PUS10: variants seen among roughly 807,000 people sequenced by gnomAD.
PUS10 encodes the protein pseudouridine synthase 10.
PUS10 carries 59 observed loss-of-function variants against 75.0 expected under a neutral mutation model. The observed-to-expected ratio is 0.79, with a 90% CI of 0.64 to 0.98. PUS10 has a LOEUF of 0.98. Ranked by LOEUF, PUS10 falls within the 50% of genes least tolerant of loss-of-function variation. The pLI, the probability that PUS10 is intolerant of heterozygous loss-of-function variation, is 0.00. For missense variants in PUS10, 650 were observed against 614.4 expected (o/e 1.06, Z -0.61); for synonymous variants, 219 against 211.6 (o/e 1.03, Z -0.30).
chr2:61,012,744 G>A (rs2104745456), intron 1 of PUS10, among the ~76,000 whole-genome samples: 1 of 141,384 alleles, frequency 7.1e-6, no homozygotes, highest in Middle Eastern at 3.8e-3. Flanking sequence ...TGAGGCAGGA[G>A]AATCACTTGA....
At chr2:61,005,539 C>T (rs890009962) in intron 4 of PUS10, among the ~76,000 whole-genome samples, 5 of 152,144 alleles carry the variant, frequency 3.3e-5, no homozygotes, top group African/African-American at 1.2e-4. Flanking sequence ...TCAAAACTTT[C>T]ACTAAAGTGA....
intron 4 of PUS10, among the ~76,000 whole-genome samples, chr2:60,998,554 T>C (rs1678633246): frequency 1.3e-5 from 2 of 152,030 alleles, no homozygotes; most frequent in Admixed American, 1.3e-4. Flanking sequence ...CCGGATGTGG[T>C]GGCATGCACC....
chr2:61,012,378 C>G (rs114617642), intron 1 of PUS10, among the ~76,000 whole-genome samples: 2,968 of 152,096 alleles, frequency 0.02, 34 homozygotes, highest in East Asian at 0.027. Context: ...CAGCAGCAGC[C>G]TCAGAAGCAA....
chr2:61,007,413 A>C (rs186774941), intron 3 of PUS10, among the ~76,000 whole-genome samples: 2 of 152,198 alleles, frequency 1.3e-5, no homozygotes, highest in Admixed American at 1.3e-4. Flanking sequence ...ATGAGCCAAT[A>C]TCATGCCACT....
chr2:60,961,340 A>G, intron 10 of PUS10, 123 bp downstream of exon 10: 1 of 777,328 alleles, frequency 1.3e-6, no homozygotes, highest in South Asian at 1.8e-5. Context: ...TCTACTTCTC[A>G]AGAGAGTAAA....
At chr2:60,978,150 T>G (rs1573450293) in intron 4 of PUS10, among the ~76,000 whole-genome samples, 1 of 151,720 alleles carries the variant, frequency 6.6e-6, no homozygotes, top group Non-Finnish European at 1.5e-5. Flanking sequence ...CAGGCCGGCT[T>G]GGGGCTCCCG....
In PUS10 at chr2:60,940,864, A is replaced by G. The variant is rs1007790860; in HGVS notation, c.*1531T>C. ...GCCTTTCAATGCATTGGCATTGACA[A>G]GAGTGAAAAAATTATTTGCTGTTAT... On this transcript the variant is annotated 3_prime_UTR_variant, in exon 18 of 18. Transcript: ENST00000316752. 6.6e-6 allele frequency: 1 copy of G among 152,342 alleles called. No individual in the cohort carries two copies. Among genetic ancestry groups the G allele is most frequent in the African/African-American group, 2.4e-5 (1 of 41,468 alleles). The allele number at this position is 152,342 out of a possible 1,614,324, so 9.4% of individuals were successfully genotyped here.
chr2:60,942,903 C>T (rs1291911405), intron 17 of PUS10, among the ~76,000 whole-genome samples: 3 of 151,958 alleles, frequency 2.0e-5, no homozygotes, highest in East Asian at 1.9e-4. Flanking sequence ...TGGTGGCACA[C>T]GCCTGTAGTC....
Position 61,010,959 on chromosome 2 carries a change from A to G in PUS10, c.126+806T>C, listed in dbSNP as rs1573525800. On this transcript the variant is annotated intron_variant, in intron 2 of 17. Coordinates refer to ENST00000316752, the MANE Select transcript of PUS10 (RefSeq NM_144709.4). ...TATGAGAATTATATAAGACCTTGAC[A>G]TATAGTAATGATAATTGAATATTGT... 4.0e-6 allele frequency: 6 copies of G among 1,493,550 alleles called. No individual in the cohort carries two copies. In the East Asian group the frequency reaches 1.5e-4, roughly 37 times the overall value. 92.5% of individuals were successfully genotyped at this position (1,493,550 alleles called of 1,614,324 possible).
rs1401793230 is a variant in PUS10, at chr2:60,940,343, G to A, written c.*2052C>T. 1.3e-5 allele frequency: 2 copies of A among 152,190 alleles called. No homozygotes were observed. The allele number at this position is 152,190 out of a possible 1,614,324, so 9.4% of individuals were successfully genotyped here. A position where few individuals can be genotyped will look rare whatever the true frequency, so the allele number is the denominator to read the frequency against. On this transcript the variant is annotated 3_prime_UTR_variant, in exon 18 of 18. Coordinates refer to ENST00000316752, the MANE Select transcript of PUS10 (RefSeq NM_144709.4). ...TATAAGAGATACTAAGAAGTACAAA[G>A]GGCTCTTTCTCTTAAGTGTTATGAA...
intron 9 of PUS10, among the ~76,000 whole-genome samples, chr2:60,962,031 G>T (rs75111820): frequency 6.6e-6 from 1 of 152,166 alleles, no homozygotes; most frequent in Non-Finnish European, 1.5e-5. Flanking sequence ...AATGTACCAA[G>T]AATTAAAATG....
chr2:60,966,711 C>T (rs1309272463), intron 6 of PUS10: 8 of 152,244 alleles, frequency 5.3e-5, no homozygotes, highest in African/African-American at 1.9e-4. Context: ...TCTCAATACT[C>T]GGTTTACAGA....
chr2:61,006,283 G>A (rs936806783), intron 4 of PUS10, among the ~76,000 whole-genome samples: 2 of 152,182 alleles, frequency 1.3e-5, no homozygotes, highest in Non-Finnish European at 2.9e-5. Context: ...CTCACATGGA[G>A]CTAATAATGA....
chr2:60,980,762 C>T (rs1677335037), intron 4 of PUS10, among the ~76,000 whole-genome samples: 1 of 152,150 alleles, frequency 6.6e-6, no homozygotes, highest in African/African-American at 2.4e-5. Flanking sequence ...AAGATATATA[C>T]ACACGTACAG....
rs536954620 is a variant in PUS10 at position 60,980,186 on chromosome 2, C to T, written c.469-8629G>A. ...TGTCATATGAAAATGAGAGAGAACA[C>T]ACATAGCAACTGAATTTCAGGTAAC... On this transcript the variant is annotated intron_variant, in intron 4 of 17. Coordinates refer to ENST00000316752, the MANE Select transcript of PUS10 (RefSeq NM_144709.4). Among the ~76,000 whole-genome samples the T allele has an allele frequency of 2.0e-5, 3 of 152,272 alleles. No homozygotes were observed. The South Asian group carries it at 6.2e-4, about 32-fold the overall frequency.
chr2:60,953,149 T>C, intron 14 of PUS10, 35 bp from the exon 15 acceptor site: 1 of 1,171,508 alleles, frequency 8.5e-7, no homozygotes, highest in Non-Finnish European at 1.3e-6. Context: ...TTTGTCCAAA[T>C]AAACAAAATA....
intron 16 of PUS10, among the ~76,000 whole-genome samples, chr2:60,947,318 T>C (rs1468363464): frequency 6.6e-6 from 1 of 152,204 alleles, no homozygotes; most frequent in African/African-American, 2.4e-5. Context: ...TCCCATCTAC[T>C]ACCTGTGTTT....
chr2:60,975,824 C>T (rs569685750), intron 4 of PUS10, among the ~76,000 whole-genome samples: 21 of 151,998 alleles, frequency 1.4e-4, no homozygotes, highest in Admixed American at 3.9e-4. Flanking sequence ...TGCTGTAGCA[C>T]GATCTCGGCT....
intron 14 of PUS10, among the ~76,000 whole-genome samples, 155 bp downstream of exon 14, chr2:60,953,778 T>C (rs911000842): frequency 6.6e-6 from 1 of 152,252 alleles, no homozygotes; most frequent in African/African-American, 2.4e-5. Context: ...TATTCCTATA[T>C]CCTCCTTGGA....
Sources: allele counts gnomAD v4.1 joint callset (sites outside exome capture counted in the v4.1 genomes callset), GRCh38; gene constraint gnomAD v4.1.1; transcripts MANE v1.5; gene names NCBI Gene and HGNC (gene_info 2026-07-23, HGNC 2026-07-21).